The following CPD variants were observed in gnomAD, a reference collection of about 807,000 sequenced individuals.
CPD encodes metallocarboxypeptidase D.
A neutral mutation model predicts 138.3 loss-of-function variants in CPD; 69 were observed. That is an observed-to-expected ratio of 0.50 (90% CI 0.41 to 0.61). The LOEUF is 0.61. CPD is among the 20% of genes least tolerant of loss of function. The probability of loss-of-function intolerance (pLI) is 0.00; values close to 1 mark genes in which losing one functional copy is unlikely to be tolerated. For missense variants in CPD, 1,432 were observed against 1,733.3 expected (o/e 0.83, Z 3.09); for synonymous variants, 651 against 642.1 (o/e 1.01, Z -0.21).
chr17:30,416,335 A>T (rs1025116423), intron 2 of CPD, among the ~76,000 whole-genome samples: 12 of 152,362 alleles, frequency 7.9e-5, no homozygotes, highest in Admixed American at 4.6e-4. Flanking sequence ...TCCGTCTCAA[A>T]AAAAAGAAAA....
rs1913512151 is a variant in CPD, at chr17:30,462,351, T to C, written c.3817-19T>C. 1 of 1,598,698 alleles carries C rather than the reference T, an allele frequency of 6.3e-7. No individual in the cohort carries two copies. The highest frequency in any genetic ancestry group is 1.3e-5 in the African/African-American group (1 of 74,580). ...CCTTAAGCAGAATTTGTCATGATTCTTACACTTTCTCCTTCTAGGTCTTTG... is the reference window on the plus strand; with the variant it reads ...CCTTAAGCAGAATTTGTCATGATTCCTACACTTTCTCCTTCTAGGTCTTTG... On this transcript the variant is annotated intron_variant, in intron 19 of 20. Coordinates refer to ENST00000225719, the MANE Select transcript of CPD (RefSeq NM_001304.5).
chr17:30,449,129 T>TATAAATAAATAA (rs140528779), intron 12 of CPD, among the ~76,000 whole-genome samples: 3 of 151,538 alleles, frequency 2.0e-5, no homozygotes, highest in Non-Finnish European at 4.4e-5. Context: ...ATGACAATAA[T>TATAAATAAATAA]ATAAATAAAT....
In CPD at chr17:30,442,327, C is replaced by CT. The variant is rs761635080; in HGVS notation, c.2251dup (p.Tyr751LeufsTer8). 4.3e-6 allele frequency: 7 copies of CT among 1,612,934 alleles called. No homozygotes were observed. In the African/African-American group the frequency reaches 9.3e-5, roughly 22 times the overall value. ...TTTTAGGAGGAATGCAGGACTGGAA[C>CT]TATTTACAAACAAATTGCTTTGAAG... On this transcript the variant is annotated frameshift_variant, in exon 10 of 21. Transcript: ENST00000225719. LOFTEE classifies it high-confidence loss of function.
Position 30,468,944 on chromosome 17 carries a change from A to G in CPD, c.*4130A>G, listed in dbSNP as rs1230086959. ...TCAGCTAGATTGTTATATATGTTCA[A>G]TCATTTCACAATAACAACACAAAAC... On this transcript the variant is annotated 3_prime_UTR_variant, in exon 21 of 21. Transcript: ENST00000225719. 3 of 152,196 alleles carry G rather than the reference A, an allele frequency of 2.0e-5. No individual in the cohort carries two copies. Among genetic ancestry groups the G allele is most frequent in the East Asian group, 1.9e-4 (1 of 5,206 alleles). The allele number at this position is 152,196 out of a possible 1,614,324, so 9.4% of individuals were successfully genotyped here. A position where few individuals can be genotyped will look rare whatever the true frequency, so the allele number is the denominator to read the frequency against.
At chr17:30,453,523 G>C (rs1051109525) in intron 14 of CPD, among the ~76,000 whole-genome samples, 8 of 152,224 alleles carry the variant, frequency 5.3e-5, no homozygotes, top group Non-Finnish European at 8.8e-5. Context: ...CTGTCTCCCA[G>C]CTGCTTTCAC....
intron 2 of CPD, among the ~76,000 whole-genome samples, chr17:30,413,429 G>A (rs1912020127): frequency 1.3e-5 from 2 of 152,210 alleles, no homozygotes; most frequent in Non-Finnish European, 2.9e-5. Flanking sequence ...TTAAGACCGA[G>A]TTACTAGGCT....
At position 30,451,728 on chromosome 17, in the gene CPD, G is replaced by A; in HGVS notation, c.3087G>A (p.Arg1029=). The stretch of plus-strand genomic sequence containing the variant: ...TGCTTCAGTTGGTTGACAGGACTAG[G>A]ATTGTGATTGTCCCTTCTCTAAATC... ...PAVTQLVDRT[R]IVIVPSLNPD... The change falls in exon 14 of 21, where the codon AGG becomes AGA. Residue 1029 remains arginine, a synonymous_variant. Coordinates refer to ENST00000225719, the MANE Select transcript of CPD (RefSeq NM_001304.5). 6.2e-7 allele frequency: 1 copy of A among 1,613,990 alleles called. No individual in the cohort carries two copies. Among genetic ancestry groups the A allele is most frequent in the South Asian group, 1.1e-5 (1 of 91,058 alleles).
intron 20 of CPD, among the ~76,000 whole-genome samples, chr17:30,464,252 G>T (rs903179191): frequency 6.6e-6 from 1 of 151,998 alleles, no homozygotes; most frequent in East Asian, 1.9e-4. Flanking sequence ...AATTAGCCAG[G>T]TGTGGTGGCA....
rs530954454 is a variant in CPD, at chr17:30,423,217, C to A, written c.1657+194C>A. Among the ~76,000 whole-genome samples the A allele has an allele frequency of 7.9e-5, 12 of 152,214 alleles. No individual in the cohort carries two copies. In the South Asian group the frequency reaches 1.0e-3, roughly 13 times the overall value. On this transcript the variant is annotated intron_variant, in intron 5 of 20. Coordinates refer to ENST00000225719, the MANE Select transcript of CPD (RefSeq NM_001304.5). ...GAAGAGAAGGAAATCCTTTTGCTAA[C>A]CCATATTAGGCATGGTATTTAATAA...
In CPD at chr17:30,465,383, T is replaced by C. The variant is rs1913608855; in HGVS notation, c.*569T>C. 1 of 153,570 alleles carries C rather than the reference T, an allele frequency of 6.5e-6. No individual in the cohort carries two copies. The highest frequency in any genetic ancestry group is 2.1e-4 in the South Asian group (1 of 4,878). 9.5% of individuals were successfully genotyped at this position (153,570 alleles called of 1,614,324 possible). On this transcript the variant is annotated 3_prime_UTR_variant, in exon 21 of 21. Coordinates refer to ENST00000225719, the MANE Select transcript of CPD (RefSeq NM_001304.5). ...GGAAATGAATAAATGGGCTTCTGCATTTGGCTTTCTACCTGTTCCAAGGCT... is the reference window on the plus strand; with the variant it reads ...GGAAATGAATAAATGGGCTTCTGCACTTGGCTTTCTACCTGTTCCAAGGCT...
chr17:30,400,734 C>T (rs1026325754), intron 2 of CPD, among the ~76,000 whole-genome samples: 4 of 145,570 alleles, frequency 2.7e-5, no homozygotes, highest in African/African-American at 1.0e-4. Flanking sequence ...CTCAGCTCAC[C>T]GCAAGCTTTG....
At chr17:30,405,476 A>G (rs61588729) in intron 2 of CPD, among the ~76,000 whole-genome samples, 129 of 152,286 alleles carry the variant, frequency 8.5e-4, no homozygotes, top group African/African-American at 2.8e-3. Flanking sequence ...CTTTCACAAT[A>G]TGATGTAAAA....
intron 15 of CPD, chr17:30,456,044 T>C (rs1913284173): frequency 1.9e-6 from 1 of 531,690 alleles, no homozygotes; most frequent in South Asian, 2.3e-5. Flanking sequence ...TTGTGAAAAC[T>C]CACCATTAGA....
intron 2 of CPD, among the ~76,000 whole-genome samples, chr17:30,401,429 C>CTCTTCTTCTTCCTCATCTTCT (rs1911666753): frequency 7.0e-6 from 1 of 143,036 alleles, no homozygotes; most frequent in Admixed American, 7.2e-5. Flanking sequence ...CCTCCTCTTC[C>CTCTTCTTCTTCCTCATCTTCT]TCTTCTTCTT....
intron 1 of CPD, among the ~76,000 whole-genome samples, chr17:30,382,019 AT>A (rs1354485818): frequency 6.6e-6 from 1 of 152,100 alleles, no homozygotes; most frequent in African/African-American, 2.4e-5. Flanking sequence ...GTTGACTCCT[AT>A]TTTTTTATAG....
rs1349030570 is a variant in CPD, at chr17:30,421,851, G to A, written c.1307+18G>A. The stretch of plus-strand genomic sequence containing the variant: ...TTAACTGGGTAAGAATTTAAACTAT[G>A]TAGACTCTTAGTTAAAATGTCAAGT... On this transcript the variant is annotated intron_variant, in intron 4 of 20. Transcript: ENST00000225719. 2.4e-5 allele frequency: 38 copies of A among 1,567,310 alleles called. No individual in the cohort carries two copies. The highest frequency in any genetic ancestry group is 3.2e-5 in the Non-Finnish European group (36 of 1,139,918).
In CPD at chr17:30,466,168, C is replaced by G. The variant is rs1433643336; in HGVS notation, c.*1354C>G. On this transcript the variant is annotated 3_prime_UTR_variant, in exon 21 of 21. Transcript: ENST00000225719. ...GGAAATGATGCTTTTTGTAAGTATG[C>G]ATCTTACCAATGATGTAACGGTTTA... 2 of 152,572 alleles carry G rather than the reference C, an allele frequency of 1.3e-5. No individual in the cohort carries two copies. Among genetic ancestry groups the G allele is most frequent in the Admixed American group, 1.3e-4 (2 of 15,270 alleles). 9.5% of individuals were successfully genotyped at this position (152,572 alleles called of 1,614,324 possible). A position where few individuals can be genotyped will look rare whatever the true frequency, so the allele number is the denominator to read the frequency against.
chr17:30,380,371 C>G (rs918545485), intron 1 of CPD: 3 of 742,416 alleles, frequency 4.0e-6, no homozygotes, highest in Non-Finnish European at 5.2e-6. Context: ...GCTGATTTTT[C>G]TCCAATTTTT....
In CPD at chr17:30,379,571, C is replaced by A. The variant is rs549565879; in HGVS notation, c.591C>A (p.Phe197Leu). Residue 197 changes from phenylalanine to leucine, a missense_variant, in exon 1 of 21, where the codon TTC becomes TTA. Phe to Leu is a conservative substitution (Grantham distance 22). Coordinates refer to ENST00000225719, the MANE Select transcript of CPD (RefSeq NM_001304.5). The surrounding 1 kb of genome is among the most constrained non-coding windows in gnomAD (Gnocchi z 7.0). ...FERAREGDCG[F>L]GDGGPSGASG... ...GTGCCCGCGAGGGCGACTGTGGCTT[C>A]GGCGACGGCGGCCCGTCCGGGGCCA... is the stretch of plus-strand genomic sequence containing the variant. 1 of 1,517,784 alleles carries A rather than the reference C, an allele frequency of 6.6e-7. No homozygotes were observed. Among genetic ancestry groups the A allele is most frequent in the Non-Finnish European group, 8.7e-7 (1 of 1,144,606 alleles). 94.0% of individuals were successfully genotyped at this position (1,517,784 alleles called of 1,614,324 possible). A position where few individuals can be genotyped will look rare whatever the true frequency, so the allele number is the denominator to read the frequency against.
Sources: allele counts gnomAD v4.1 joint callset (sites outside exome capture counted in the v4.1 genomes callset), GRCh38; gene constraint gnomAD v4.1.1; non-coding constraint Gnocchi (gnomAD v3.1); transcripts MANE v1.5; gene names NCBI Gene and HGNC (gene_info 2026-07-23, HGNC 2026-07-21).